The following RBFOX1 variants were observed in gnomAD, a reference collection of about 807,000 sequenced individuals.
RBFOX1 encodes the protein RNA binding protein fox-1 homolog 1.
RBFOX1 carries 8 observed loss-of-function variants against 57.7 expected under a neutral mutation model. The observed-to-expected ratio is 0.14, with a 90% CI of 0.08 to 0.25. The LOEUF is 0.25. Ranked by LOEUF, RBFOX1 falls within the 10% of genes least tolerant of loss-of-function variation. RBFOX1 has a pLI of 1.00. For missense variants in RBFOX1, 611 were observed against 548.5 expected (o/e 1.11, Z -1.14); for synonymous variants, 326 against 222.4 (o/e 1.47, Z -4.15).
intron 2 of RBFOX1, among the ~76,000 whole-genome samples, chr16:6,489,970 C>CT (rs1260241903): frequency 1.3e-5 from 2 of 152,172 alleles, no homozygotes; most frequent in African/African-American, 4.8e-5. Flanking sequence ...CTTCAAGAAA[C>CT]TTAAGTCTTT....
intron 1 of RBFOX1, among the ~76,000 whole-genome samples, chr16:5,263,619 C>G (rs1237494827): frequency 6.6e-6 from 1 of 151,884 alleles, no homozygotes; most frequent in Non-Finnish European, 1.5e-5. Flanking sequence ...AAATGAGGTG[C>G]AAGTGGAGAA....
chr16:7,007,363 G>T (rs2093362164), intron 3 of RBFOX1, among the ~76,000 whole-genome samples: 1 of 152,164 alleles, frequency 6.6e-6, no homozygotes, highest in Non-Finnish European at 1.5e-5. Flanking sequence ...CCTCATTGCA[G>T]CTGGAGAAAG....
At chr16:5,834,552 G>A (rs1003290831) in intron 3 of RBFOX1, among the ~76,000 whole-genome samples, 8 of 151,854 alleles carry the variant, frequency 5.3e-5, no homozygotes, top group South Asian at 2.1e-4. Context: ...TGAATGTGCC[G>A]TGATAAATAT....
intron 4 of RBFOX1, among the ~76,000 whole-genome samples, chr16:7,325,112 G>A (rs760975024): frequency 5.3e-5 from 8 of 152,122 alleles, no homozygotes; most frequent in Non-Finnish European, 7.3e-5. Flanking sequence ...TGATATCCCT[G>A]GCTTGATCCT....
chr16:5,447,966 A>G (rs942594093), intron 1 of RBFOX1, among the ~76,000 whole-genome samples: 3 of 152,188 alleles, frequency 2.0e-5, no homozygotes, highest in East Asian at 1.9e-4. Flanking sequence ...TGATCAGCCA[A>G]TGGAGTGGGT....
intron 2 of RBFOX1, among the ~76,000 whole-genome samples, chr16:6,594,126 A>G (rs1227025368): frequency 6.6e-6 from 1 of 152,228 alleles, no homozygotes; most frequent in Non-Finnish European, 1.5e-5. Flanking sequence ...ACAGCAATTC[A>G]TAAGAAATGA....
intron 4 of RBFOX1, among the ~76,000 whole-genome samples, chr16:5,889,652 G>T (rs575671332): frequency 2.0e-5 from 3 of 152,298 alleles, no homozygotes; most frequent in South Asian, 4.1e-4. Flanking sequence ...ACATGTCCTC[G>T]TGCACTGAGG....
intron 4 of RBFOX1, among the ~76,000 whole-genome samples, chr16:7,404,286 C>T (rs2098297496): frequency 6.6e-6 from 1 of 152,100 alleles, no homozygotes; most frequent in East Asian, 1.9e-4. Context: ...CTCCTGACCT[C>T]AGGTGATCTG....
At chr16:6,699,408 G>C (rs1182885796) in intron 3 of RBFOX1, among the ~76,000 whole-genome samples, 2 of 151,726 alleles carry the variant, frequency 1.3e-5, no homozygotes, top group African/African-American at 4.8e-5. Flanking sequence ...GTCTTTCAGA[G>C]TCCAGACCAT....
At chr16:5,495,232 T>C (rs879298749) in intron 2 of RBFOX1, among the ~76,000 whole-genome samples, 5 of 152,212 alleles carry the variant, frequency 3.3e-5, no homozygotes, top group Non-Finnish European at 5.9e-5. Flanking sequence ...ACTTCCACCT[T>C]GAAGCACAAA....
At chr16:5,513,131 T>C (rs1010923564) in intron 2 of RBFOX1, among the ~76,000 whole-genome samples, 2 of 152,186 alleles carry the variant, frequency 1.3e-5, no homozygotes, top group African/African-American at 4.8e-5. Context: ...TCCAGGCTGG[T>C]CTTGAACTCC....
At chr16:7,597,318 A>G in intron 8 of RBFOX1, 53 bp from the exon 9 acceptor site, 2 of 1,355,670 alleles carry the variant, frequency 1.5e-6, no homozygotes. Flanking sequence ...CAACTAATTG[A>G]ATTGGGAGCT....
intron 4 of RBFOX1, among the ~76,000 whole-genome samples, chr16:7,218,290 C>T (rs781033379): frequency 7.2e-5 from 11 of 152,110 alleles, no homozygotes; most frequent in Admixed American, 6.5e-4. Context: ...GATGGTGGTA[C>T]TAATTTAAAA....
intron 3 of RBFOX1, among the ~76,000 whole-genome samples, chr16:6,974,336 C>CTTTTTTTTTTTTTTTTTT (rs59299498): frequency 8.5e-5 from 5 of 58,666 alleles, no homozygotes; most frequent in Non-Finnish European, 1.5e-4. Context: ...TTTTCTTTTT[C>CTTTTTTTTTTTTTTTTTT]TTTTTTTTTT....
intron 4 of RBFOX1, among the ~76,000 whole-genome samples, chr16:7,511,443 G>A (rs986001030): frequency 2.6e-5 from 4 of 152,176 alleles, no homozygotes; most frequent in Admixed American, 2.6e-4. Flanking sequence ...GAAAATTCAG[G>A]GTTCAGGATA....
chr16:7,388,368 G>A (rs969355886), intron 4 of RBFOX1, among the ~76,000 whole-genome samples: 1 of 152,192 alleles, frequency 6.6e-6, no homozygotes, highest in African/African-American at 2.4e-5. Context: ...GATGAATACT[G>A]TCTGAACATA....
At chr16:6,989,225 G>C (rs117633187) in intron 3 of RBFOX1, among the ~76,000 whole-genome samples, 1 of 152,044 alleles carries the variant, frequency 6.6e-6, no homozygotes, top group Non-Finnish European at 1.5e-5. Flanking sequence ...GTGGCTATTA[G>C]AAAAATTTTA....
intron 1 of RBFOX1, among the ~76,000 whole-genome samples, chr16:5,410,796 T>C (rs1490413042): frequency 6.6e-6 from 1 of 152,242 alleles, no homozygotes; most frequent in Non-Finnish European, 1.5e-5. Context: ...TAAAATTCTT[T>C]CCACTGTTCA....
Position 6,478,429 on chromosome 16 carries a change from A to ATTTTTTTT in RBFOX1, c.-64+161383_-64+161390dup, listed in dbSNP as rs58352204. 8.4e-3 allele frequency among the ~76,000 whole-genome samples: 205 copies of ATTTTTTTT among 24,516 alleles called. 14 individuals are homozygous for ATTTTTTTT. Among genetic ancestry groups the ATTTTTTTT allele is most frequent in the Admixed American group, 0.014 (23 of 1,636 alleles). The allele number at this position is 24,516 out of a possible 152,430, so 16.1% of individuals were successfully genotyped here. ...TATATATATATATATATATATATAT[A>ATTTTTTTT]TTTTTTTTTTTTTTTTTTGTATTTT... On this transcript the variant is annotated intron_variant, in intron 2 of 15. Transcript: ENST00000550418.
Sources: gnomAD v4.1 joint callset for allele counts (sites outside exome capture counted in the v4.1 genomes callset) on GRCh38, gnomAD v4.1.1 for gene constraint, MANE v1.5 for transcripts, NCBI Gene and HGNC (gene_info 2026-07-23, HGNC 2026-07-21) for gene names.